The following CSPP1 variants were observed in gnomAD, a reference collection of about 807,000 sequenced individuals.
CSPP1 encodes centrosome and spindle pole-associated protein 1.
CSPP1 carries 126 observed loss-of-function variants against 164.4 expected under a neutral mutation model. The ratio of observed to expected loss-of-function variants is 0.77; its 90% CI spans 0.66 to 0.89. The LOEUF (loss-of-function observed/expected upper bound fraction) is 0.89, where lower values mean the gene tolerates loss of function less well. Among genes scored for constraint, CSPP1 ranks in the 40% least tolerant of loss-of-function variants. CSPP1 has a pLI of 0.00. For missense variants in CSPP1, 1,395 were observed against 1,449.8 expected (o/e 0.96, Z 0.61); for synonymous variants, 472 against 476.7 (o/e 0.99, Z 0.13).
At chr8:67,187,384 G>T (rs1188855747) in intron 28 of CSPP1, among the ~76,000 whole-genome samples, 1 of 152,152 alleles carries the variant, frequency 6.6e-6, no homozygotes, top group East Asian at 1.9e-4. Context: ...CAGTTGAATG[G>T]AATATGGAGC....
At chr8:67,190,553 G>T (rs999933910) in intron 28 of CSPP1, 97 bp from the exon 29 acceptor site, 4 of 870,610 alleles carry the variant, frequency 4.6e-6, no homozygotes, top group South Asian at 1.4e-5. Flanking sequence ...TCATGGTATT[G>T]TAAGCAAAAT....
chr8:67,138,891 C>G (rs374222206), intron 17 of CSPP1, among the ~76,000 whole-genome samples: 1 of 152,140 alleles, frequency 6.6e-6, no homozygotes, highest in Non-Finnish European at 1.5e-5. Flanking sequence ...ATGGTATTGC[C>G]TAGGTTTTCT....
In CSPP1 at chr8:67,067,191, CA is replaced by C. The variant is rs145601737; in HGVS notation, c.-11+2655del. ...TCCTTGAGAGGGAAAAGGATAGGAGCAACATTTTCCCATCTTTTTGTGACTG... is the reference window on the plus strand; with the variant it reads ...TCCTTGAGAGGGAAAAGGATAGGAGCACATTTTCCCATCTTTTTGTGACTG... On this transcript the variant is annotated intron_variant, in intron 1 of 30. Transcript: ENST00000678616. Among the ~76,000 whole-genome samples, 58 of 152,300 alleles carry C rather than the reference CA, an allele frequency of 3.8e-4. No individual in the cohort carries two copies. In the East Asian group the frequency reaches 0.01, roughly 26 times the overall value.
chr8:67,078,556 A>G (rs1427024232), intron 3 of CSPP1, among the ~76,000 whole-genome samples: 2 of 152,002 alleles, frequency 1.3e-5, no homozygotes, highest in African/African-American at 4.8e-5. Context: ...GTGTTTCGCT[A>G]TGTTGCCCAG....
rs918103972 is a variant in CSPP1, at chr8:67,183,843, A to ATTTT, written c.3220+3942_3220+3945dup. On this transcript the variant is annotated intron_variant, in intron 28 of 30. Transcript: ENST00000678616. ...AGCCAGACTATGTAAAAAATTGGGA[A>ATTTT]TTTTTTTTTTTTTTTTTTTTTTTTT... 1.3e-3 allele frequency among the ~76,000 whole-genome samples: 144 copies of ATTTT among 108,214 alleles called. 6 individuals carry two copies. Among genetic ancestry groups the ATTTT allele is most frequent in the African/African-American group, 5.3e-3 (135 of 25,260 alleles). 71.0% of individuals were successfully genotyped at this position (108,214 alleles called of 152,430 possible).
At chr8:67,088,851 C>A (rs181965820) in intron 4 of CSPP1, among the ~76,000 whole-genome samples, 13,465 of 150,098 alleles carry the variant, frequency 0.09, 834 homozygotes, top group East Asian at 0.24. Context: ...GAGCCGAGAT[C>A]GCGCCACTGC....
At chr8:67,113,425 T>C (rs1188699156) in intron 10 of CSPP1, among the ~76,000 whole-genome samples, 1 of 152,180 alleles carries the variant, frequency 6.6e-6, no homozygotes, top group Non-Finnish European at 1.5e-5. Flanking sequence ...TATTAGGAAG[T>C]ATGGTAGATA....
At chr8:67,186,147 T>C (rs1164913907) in intron 28 of CSPP1, among the ~76,000 whole-genome samples, 1 of 152,208 alleles carries the variant, frequency 6.6e-6, no homozygotes, top group Non-Finnish European at 1.5e-5. Context: ...TTCCATCATT[T>C]CATTTCTGTA....
intron 30 of CSPP1, among the ~76,000 whole-genome samples, chr8:67,194,705 TATG>T (rs1275173342): frequency 6.8e-6 from 1 of 147,704 alleles, no homozygotes; most frequent in Admixed American, 6.7e-5. Context: ...AAAAAAAGAA[TATG>T]ATATCACAGG....
chr8:67,085,664 A>G (rs1439242343), intron 3 of CSPP1, among the ~76,000 whole-genome samples: 1 of 152,138 alleles, frequency 6.6e-6, no homozygotes, highest in Non-Finnish European at 1.5e-5. Flanking sequence ...GAAAAAGTGA[A>G]TATAATGCAC....
At chr8:67,128,976 TA>T (rs1820668412) in intron 15 of CSPP1, among the ~76,000 whole-genome samples, 1 of 152,120 alleles carries the variant, frequency 6.6e-6, no homozygotes, top group African/African-American at 2.4e-5. Flanking sequence ...ATTGAATGGT[TA>T]AAATATGTAA....
intron 8 of CSPP1, among the ~76,000 whole-genome samples, chr8:67,104,727 T>C (rs867310442): frequency 6.6e-6 from 1 of 151,704 alleles, no homozygotes; most frequent in Non-Finnish European, 1.5e-5. Context: ...AATCTCTGCC[T>C]CCTGGGTTCA....
At chr8:67,150,243 T>C (rs1184609609) in intron 18 of CSPP1, among the ~76,000 whole-genome samples, 1 of 152,194 alleles carries the variant, frequency 6.6e-6, no homozygotes, top group African/African-American at 2.4e-5. Context: ...ACACTCTTTT[T>C]ACACACATAC....
At chr8:67,074,702 GT>G (rs540557482) in intron 2 of CSPP1, 33 of 227,056 alleles carry the variant, frequency 1.5e-4, no homozygotes, top group South Asian at 1.3e-3. Context: ...AGTTTAAAAA[GT>G]TTTTTTGAAA....
chr8:67,083,548 A>AAAAAAAAAAAAATATATATATATAT (rs1332248754), intron 3 of CSPP1: 1 of 91,482 alleles, frequency 1.1e-5, no homozygotes, highest in African/African-American at 4.4e-5. Context: ...AAAAAAAAAA[A>AAAAAAAAAAAAATATATATATATAT]ATATATATAT....
chr8:67,064,522 G>T lies in CSPP1; in HGVS notation c.-27G>T. 6.2e-7 allele frequency: 1 copy of T among 1,611,944 alleles called. No individual in the cohort carries two copies. Among genetic ancestry groups the T allele is most frequent in the Non-Finnish European group, 8.5e-7 (1 of 1,179,404 alleles). ...GTAAGAGTCAGCCAGCCGCGGATGG[G>T]GAGCGTGAGTGGCGAGGTGTGGCCT... On this transcript the variant is annotated 5_prime_UTR_variant, in exon 1 of 31. Coordinates refer to ENST00000678616, the MANE Select transcript of CSPP1 (RefSeq NM_001382391.1).
At chr8:67,171,518 G>T (rs1042071235) in intron 24 of CSPP1, among the ~76,000 whole-genome samples, 2 of 152,152 alleles carry the variant, frequency 1.3e-5, no homozygotes, top group East Asian at 3.9e-4. Context: ...CAGTAGCCAG[G>T]ACTACAGGCA....
intron 9 of CSPP1, 60 bp downstream of exon 9, chr8:67,106,035 A>G: frequency 1.2e-6 from 1 of 846,934 alleles, no homozygotes; most frequent in Non-Finnish European, 2.0e-6. Context: ...TCCTTTTTTA[A>G]GTGAGAACTC....
intron 15 of CSPP1, among the ~76,000 whole-genome samples, chr8:67,123,337 C>G (rs1819365577): frequency 6.6e-6 from 1 of 152,078 alleles, no homozygotes; most frequent in Non-Finnish European, 1.5e-5. Context: ...GTCAGAGATT[C>G]TTCTGTGTCT....
Sources: gnomAD v4.1 joint callset for allele counts (sites outside exome capture counted in the v4.1 genomes callset) on GRCh38, gnomAD v4.1.1 for gene constraint, MANE v1.5 for transcripts, NCBI Gene and HGNC (gene_info 2026-07-23, HGNC 2026-07-21) for gene names.